GARIN5A: variants seen among roughly 807,000 people sequenced by gnomAD.
GARIN5A encodes the protein golgi associated RAB2 interactor 5A.
chr19:50,471,681 CACGTGTGTGTATACGCATACAT>C, the GARIN5A span, among the ~76,000 whole-genome samples: 2,625 of 150,938 alleles, frequency 0.017, 201 homozygotes, highest in African/African-American at 0.06. Flanking sequence ...CGCATACATG[CACGTGTGTGTATACGCATACAT>C]GCACGTGTGT....
chr19:50,468,525 T>C, the GARIN5A span, among the ~76,000 whole-genome samples: 1 of 152,096 alleles, frequency 6.6e-6, no homozygotes, highest in Non-Finnish European at 1.5e-5. Flanking sequence ...TCTTGCTTGG[T>C]CAAAATCTTG....
At chr19:50,475,025 G>A in the GARIN5A span, among the ~76,000 whole-genome samples, 1 of 152,204 alleles carries the variant, frequency 6.6e-6, no homozygotes, top group Non-Finnish European at 1.5e-5. Context: ...TCAGAGGTGA[G>A]ATCGTATGCG....
the GARIN5A span, chr19:50,476,518 T>TC: frequency 1.6e-5 from 25 of 1,569,216 alleles, no homozygotes; most frequent in Non-Finnish European, 2.1e-5. Context: ...CTCACAGCCG[T>TC]CCCTTCGCTG....
At chr19:50,476,340 T>A in the GARIN5A span, 3 of 1,582,028 alleles carry the variant, frequency 1.9e-6, no homozygotes, top group East Asian at 2.2e-5. Flanking sequence ...TGTGATGACG[T>A]CCCTGGAGGG....
At chr19:50,475,966 T>A in the GARIN5A span, 4 of 1,607,210 alleles carry the variant, frequency 2.5e-6, no homozygotes, top group Non-Finnish European at 3.4e-6. Flanking sequence ...CAGGACGAAG[T>A]CTGGGGGTCG....
the GARIN5A span, chr19:50,476,584 C>G: frequency 6.3e-7 from 1 of 1,576,044 alleles, no homozygotes; most frequent in Non-Finnish European, 8.6e-7. Flanking sequence ...GCTGCTCCTG[C>G]TCTTGCTGAT....
the GARIN5A span, chr19:50,467,580 C>T: frequency 3.9e-6 from 6 of 1,545,152 alleles, no homozygotes; most frequent in Non-Finnish European, 5.3e-6. Flanking sequence ...TCTGGGCCTC[C>T]ACCTCATCAT....
At chr19:50,471,837 T>C in the GARIN5A span, among the ~76,000 whole-genome samples, 1,071 of 140,238 alleles carry the variant, frequency 7.6e-3, 20 homozygotes, top group East Asian at 0.046. Flanking sequence ...CGCATACATA[T>C]CTGTGTGCAT....
chr19:50,475,538 G>A, the GARIN5A span: 3 of 1,332,018 alleles, frequency 2.3e-6, no homozygotes, highest in African/African-American at 2.9e-5. Flanking sequence ...ATCTTGGTAG[G>A]GGAAAAGGTC....
the GARIN5A span, among the ~76,000 whole-genome samples, chr19:50,469,540 C>T: frequency 1.3e-5 from 2 of 152,192 alleles, no homozygotes; most frequent in African/African-American, 4.8e-5. Context: ...CCGCAGCTGA[C>T]ACGTGGCAGG....
At chr19:50,468,575 C>A in the GARIN5A span, among the ~76,000 whole-genome samples, 4 of 151,912 alleles carry the variant, frequency 2.6e-5, no homozygotes, top group Admixed American at 6.6e-5. Flanking sequence ...CCTGATGAGT[C>A]CTGACACCAC....
the GARIN5A span, chr19:50,467,857 G>A: frequency 6.2e-7 from 1 of 1,607,872 alleles, no homozygotes; most frequent in East Asian, 2.2e-5. Flanking sequence ...GCGGCCTCAG[G>A]TTCTGACCCT....
the GARIN5A span, chr19:50,476,114 G>A: frequency 6.2e-7 from 1 of 1,612,568 alleles, no homozygotes; most frequent in East Asian, 2.2e-5. Context: ...CTCTAGGCCT[G>A]GCTCCCCTCT....
At chr19:50,471,233 G>A in the GARIN5A span, among the ~76,000 whole-genome samples, 1 of 152,134 alleles carries the variant, frequency 6.6e-6, no homozygotes, top group East Asian at 1.9e-4. Context: ...CCAAATGCTG[G>A]GATTACAGGT....
chr19:50,474,586 C>T, the GARIN5A span, among the ~76,000 whole-genome samples: 1 of 152,012 alleles, frequency 6.6e-6, no homozygotes, highest in Non-Finnish European at 1.5e-5. Context: ...ACCTCGTGAT[C>T]CACCCACCTC....
the GARIN5A span, among the ~76,000 whole-genome samples, chr19:50,471,867 T>G: frequency 6.6e-6 from 1 of 151,846 alleles, no homozygotes; most frequent in South Asian, 2.1e-4. Context: ...TACATGTGTA[T>G]ATGTATGCAT....
At chr19:50,472,255 G>A in the GARIN5A span, among the ~76,000 whole-genome samples, 3 of 100,000 alleles carry the variant, frequency 3.0e-5, no homozygotes, top group African/African-American at 1.6e-4. Context: ...ATATATACAT[G>A]TATGTGTGTA....
the GARIN5A span, among the ~76,000 whole-genome samples, chr19:50,471,007 C>G: frequency 9.4e-3 from 1,426 of 152,148 alleles, 24 homozygotes; most frequent in African/African-American, 0.033. Flanking sequence ...TCCCATTGCC[C>G]AGGCTGGAAT....
chr19:50,476,569 A>T, the GARIN5A span: 2 of 1,575,074 alleles, frequency 1.3e-6, no homozygotes, highest in Non-Finnish European at 1.7e-6. Context: ...CGCTGGGGCA[A>T]CCCGGCTGCT....
Sources: allele counts gnomAD v4.1 joint callset (sites outside exome capture counted in the v4.1 genomes callset), GRCh38; gene constraint gnomAD v4.1.1; transcripts MANE v1.5; gene names NCBI Gene and HGNC (gene_info 2026-07-23, HGNC 2026-07-21).